Variants in RARB observed in about 807,000 individuals in gnomAD.
RARB encodes the protein retinoic acid receptor beta.
RARB carries 17 observed loss-of-function variants against 51.9 expected under a neutral mutation model. The observed-to-expected ratio is 0.33, with a 90% CI of 0.22 to 0.49. The LOEUF (loss-of-function observed/expected upper bound fraction) is 0.49. Ranked by LOEUF, RARB falls within the 20% of genes least tolerant of loss-of-function variation. RARB has a pLI of 0.99. For synonymous variants in RARB, 215 were observed against 195.4 expected, an observed-to-expected ratio of 1.10 and a Z score of -0.84; for missense variants, 369 against 550.8, an observed-to-expected ratio of 0.67 and a Z score of 3.30.
In RARB at chr3:25,126,398, T is replaced by C. The variant is rs536106389; in HGVS notation, c.-327-5763T>C. Among the ~76,000 whole-genome samples the C allele has an allele frequency of 2.0e-5, 3 of 152,152 alleles. No individual in the cohort carries two copies. The South Asian group carries it at 6.2e-4, about 32-fold the overall frequency. On this transcript the variant is annotated intron_variant, in intron 3 of 11. Transcript: ENST00000383772. ...TGATTTGAAGCAAGCTTACAGAAAC[T>C]GCTTAGTATTTTGTTATTGTTATTT...
At chr3:25,236,784 C>T (rs1040617246) in intron 5 of RARB, among the ~76,000 whole-genome samples, 1 of 151,812 alleles carries the variant, frequency 6.6e-6, no homozygotes, top group African/African-American at 2.4e-5. Flanking sequence ...TGGAATTTCT[C>T]CTCATGCAAT....
chr3:25,006,980 T>A (rs1697285953), intron 2 of RARB, among the ~76,000 whole-genome samples: 1 of 152,206 alleles, frequency 6.6e-6, no homozygotes, highest in Non-Finnish European at 1.5e-5. Flanking sequence ...GTAGTCCTTT[T>A]GGTTTTCAGT....
At chr3:25,486,422 G>A (rs1482375245) in intron 2 of RARB, among the ~76,000 whole-genome samples, 1 of 152,190 alleles carries the variant, frequency 6.6e-6, no homozygotes, top group Non-Finnish European at 1.5e-5. Flanking sequence ...GGTAGAGGTA[G>A]AAGTCACTTA....
intron 5 of RARB, among the ~76,000 whole-genome samples, chr3:25,220,559 C>T (rs146369952): frequency 1.3e-5 from 2 of 152,164 alleles, no homozygotes; most frequent in Admixed American, 6.5e-5. Context: ...GCAGTTTCCG[C>T]CCTGCTGTTC....
intron 5 of RARB, among the ~76,000 whole-genome samples, chr3:25,347,256 C>A (rs1049164348): frequency 6.6e-6 from 1 of 152,140 alleles, no homozygotes; most frequent in African/African-American, 2.4e-5. Flanking sequence ...TAAGGGAGTT[C>A]TGAAATGATG....
chr3:25,253,764 T>C (rs1245976425), intron 5 of RARB, among the ~76,000 whole-genome samples: 1 of 152,206 alleles, frequency 6.6e-6, no homozygotes, highest in Non-Finnish European at 1.5e-5. Context: ...TCAATAAGGC[T>C]ATAAAGGTTA....
intron 2 of RARB, among the ~76,000 whole-genome samples, chr3:25,026,390 C>G (rs1024423080): frequency 6.6e-6 from 1 of 152,200 alleles, no homozygotes; most frequent in Non-Finnish European, 1.5e-5. Context: ...AGCCCAAGAT[C>G]AAGGTGTTGG....
chr3:25,343,168 C>G (rs1705284791), intron 5 of RARB, among the ~76,000 whole-genome samples: 1 of 151,732 alleles, frequency 6.6e-6, no homozygotes. Flanking sequence ...GGCTACTCTA[C>G]AAACTCTTGT....
At chr3:25,265,780 T>G (rs1703112009) in intron 5 of RARB, among the ~76,000 whole-genome samples, 1 of 152,140 alleles carries the variant, frequency 6.6e-6, no homozygotes, top group South Asian at 2.1e-4. Flanking sequence ...CCAACAAATT[T>G]TTAATCTTAC....
intron 5 of RARB, among the ~76,000 whole-genome samples, chr3:25,260,884 A>T (rs1702982629): frequency 6.6e-6 from 1 of 152,128 alleles, no homozygotes; most frequent in Non-Finnish European, 1.5e-5. Context: ...ACGTATGGAG[A>T]AAATTAAATA....
At chr3:25,529,715 G>A (rs1319994602) in intron 3 of RARB, among the ~76,000 whole-genome samples, 1 of 152,126 alleles carries the variant, frequency 6.6e-6, no homozygotes, top group Admixed American at 6.6e-5. Context: ...GTATACATTT[G>A]TTAAAACTCA....
At chr3:25,226,247 A>G (rs560516598) in intron 5 of RARB, among the ~76,000 whole-genome samples, 8 of 152,206 alleles carry the variant, frequency 5.3e-5, no homozygotes, top group Non-Finnish European at 8.8e-5. Flanking sequence ...AGGCACCTCA[A>G]TATTACAGTA....
chr3:25,478,323 A>G (rs1400365250), intron 2 of RARB, among the ~76,000 whole-genome samples: 1 of 152,170 alleles, frequency 6.6e-6, no homozygotes, highest in Non-Finnish European at 1.5e-5. Context: ...TCTTTGGAAA[A>G]TCCAAGCTGC....
chr3:25,369,919 G>GAA (rs553407828), intron 5 of RARB, among the ~76,000 whole-genome samples: 2,953 of 144,890 alleles, frequency 0.02, 88 homozygotes, highest in African/African-American at 0.067. Context: ...AACTGTCTCA[G>GAA]AAAAAAAAAA....
At position 25,219,380 on chromosome 3, in the gene RARB, A is replaced by G. The variant is rs183719752; in HGVS notation, c.178+44805A>G. On this transcript the variant is annotated intron_variant, in intron 5 of 11. Transcript: ENST00000383772. ...TAAAAGAGAGAGAGCATAGAAGAGG[A>G]GGCAGAAGAATAACTACGTAATGGC... is the stretch of plus-strand genomic sequence containing the variant. 4.4e-3 allele frequency among the ~76,000 whole-genome samples: 669 copies of G among 152,272 alleles called. 3 individuals carry two copies. Among genetic ancestry groups the G allele is most frequent in the African/African-American group, 0.015 (617 of 41,550 alleles).
Position 25,103,317 on chromosome 3 carries a change from C to T in RARB, c.-327-28844C>T, listed in dbSNP as rs1348669574. On this transcript the variant is annotated intron_variant, in intron 3 of 11. Transcript: ENST00000383772. ...AAAACATTTCACAGGTGATATGCAC[C>T]GTTGTAAGTGACAGGAGAAATGAAC... 3.3e-5 allele frequency among the ~76,000 whole-genome samples: 5 copies of T among 152,110 alleles called. No individual in the cohort carries two copies. In the East Asian group the frequency reaches 5.8e-4, roughly 18 times the overall value.
chr3:25,370,529 G>A (rs376863990), intron 5 of RARB, among the ~76,000 whole-genome samples: 17 of 152,262 alleles, frequency 1.1e-4, no homozygotes, highest in South Asian at 6.2e-4. Context: ...GAAAATACCC[G>A]CTTAAATATG....
At chr3:24,903,570 G>A (rs546048686) in intron 2 of RARB, among the ~76,000 whole-genome samples, 1 of 152,016 alleles carries the variant, frequency 6.6e-6, no homozygotes. Context: ...ATGAAAGGGG[G>A]TGCATGGTCC....
chr3:25,349,011 C>A (rs145303442), intron 5 of RARB, among the ~76,000 whole-genome samples: 1 of 152,168 alleles, frequency 6.6e-6, no homozygotes. Context: ...ATACAAATCT[C>A]GTTAGGATCA....
Sources: allele counts gnomAD v4.1 joint callset (sites outside exome capture counted in the v4.1 genomes callset), GRCh38; gene constraint gnomAD v4.1.1; transcripts MANE v1.5; gene names NCBI Gene and HGNC (gene_info 2026-07-23, HGNC 2026-07-21).